The following SPTBN2 variants were observed in gnomAD, a reference collection of about 807,000 sequenced individuals.
SPTBN2 encodes spectrin beta chain, non-erythrocytic 2.
Under a neutral mutation model 284.2 loss-of-function variants are expected in SPTBN2, and 107 were observed. The ratio of observed to expected loss-of-function variants is 0.38; its 90% confidence interval spans 0.32 to 0.44. The LOEUF (loss-of-function observed/expected upper bound fraction) is 0.44, where lower values mean the gene tolerates loss of function less well. Ranked by LOEUF, SPTBN2 falls within the 20% of genes least tolerant of loss-of-function variation. The pLI is 1.00. For synonymous variants in SPTBN2, 1,289 were observed against 1,354.8 expected, an observed-to-expected ratio of 0.95 and a Z score of 1.07; for missense variants, 2,569 against 3,287.1, an observed-to-expected ratio of 0.78 and a Z score of 5.34.
At position 66,688,267 on chromosome 11, in the gene SPTBN2, C is replaced by T; in HGVS notation, c.6276G>A (p.Glu2092=). 6.2e-7 allele frequency: 1 copy of T among 1,612,194 alleles called. No individual in the cohort carries two copies. Among genetic ancestry groups the T allele is most frequent in the Non-Finnish European group, 8.5e-7 (1 of 1,179,328 alleles). Residue 2092 remains glutamate, a synonymous_variant, in exon 32 of 38, where the codon GAG becomes GAA. Transcript: ENST00000533211. ...EKERKRKREE[E]ERRKQPPAPE... is the part of the protein sequence containing the mutation. ...GAGCAGGCGGCTGTTTCCGCCGCTC[C>T]TCCTCCTCCCTCTTTCTCTTTCGCT...
At chr11:66,717,241 C>T (rs1210048641) in intron 3 of SPTBN2, among the ~76,000 whole-genome samples, 2 of 151,980 alleles carry the variant, frequency 1.3e-5, no homozygotes, top group East Asian at 1.9e-4. Context: ...TACTAGGTTC[C>T]GTAGGAAAAT....
In SPTBN2 at chr11:66,685,962, A is replaced by C. The variant is rs756019688; in HGVS notation, c.7082T>G (p.Val2361Gly). The C allele has an allele frequency of 1.9e-6, 3 of 1,613,708 alleles. No homozygotes were observed. Among genetic ancestry groups the C allele is most frequent in the Non-Finnish European group, 2.5e-6 (3 of 1,179,966 alleles). ...GAGCACAACAGGCCCCTCAGCCCCGACGGGTGACACTGGGGGCATGGTCAT... is the reference window on the plus strand; with the variant it reads ...GAGCACAACAGGCCCCTCAGCCCCGCCGGGTGACACTGGGGGCATGGTCAT... ...RAMTMPPVSP[V>G]GAEGPVVLRS... Residue 2361 changes from valine (V) to glycine (G), a missense_variant, in exon 38 of 38, where the codon GTC becomes GGC. This residue lies in a region of SPTBN2 where 1,130 missense variants were observed against 1,317.3 expected (regional missense o/e 0.86). Coordinates refer to ENST00000533211, the MANE Select transcript of SPTBN2 (RefSeq NM_006946.4). The surrounding 1 kb of genome is among the most constrained non-coding windows in gnomAD (Gnocchi z 4.4).
At chr11:66,692,786 T>G (rs1166114793) in intron 25 of SPTBN2, 46 bp from the exon 26 acceptor site, 22 of 1,599,048 alleles carry the variant, frequency 1.4e-5, no homozygotes, top group Non-Finnish European at 1.9e-5. Context: ...GGGGTGTAGC[T>G]CTGACCTCCG....
chr11:66,735,393 C>T (rs1942844786), intron 1 of SPTBN2, among the ~76,000 whole-genome samples: 1 of 151,188 alleles, frequency 6.6e-6, no homozygotes, highest in South Asian at 2.1e-4. Context: ...TCCTAAGAGA[C>T]TGAGAGACTG....
At chr11:66,727,870 C>T (rs1942678580) in intron 1 of SPTBN2, 1 of 150,578 alleles carries the variant, frequency 6.6e-6, no homozygotes. Context: ...GACCCGCTCC[C>T]AGCCTCGCCG....
intron 15 of SPTBN2, among the ~76,000 whole-genome samples, chr11:66,702,957 A>C (rs1040813415): frequency 3.3e-5 from 5 of 151,406 alleles, no homozygotes; most frequent in Non-Finnish European, 7.4e-5. Flanking sequence ...AAAAAAAAAA[A>C]AAACCAAAAA....
Position 66,692,954 on chromosome 11 carries a change from C to T in SPTBN2, c.4985+16G>A. ...GGCTCCACCCCCAGGCTGGGCCGGG[C>T]TGCCGCTGCACCCACCTCTCTGGGT... On this transcript the variant is annotated intron_variant, in intron 25 of 37. Transcript: ENST00000533211. The T allele has an allele frequency of 6.2e-7, 1 of 1,601,460 alleles. No individual in the cohort carries two copies. Among genetic ancestry groups the T allele is most frequent in the Non-Finnish European group, 8.5e-7 (1 of 1,179,884 alleles).
chr11:66,687,191 G>A lies in SPTBN2; in HGVS notation c.6723-24C>T, dbSNP rs373939448. The A allele has an allele frequency of 1.9e-6, 3 of 1,612,770 alleles. No homozygotes were observed. Among genetic ancestry groups the A allele is most frequent in the Non-Finnish European group, 2.5e-6 (3 of 1,179,906 alleles). Reference sequence around the variant, plus strand: ...ACCTGCGAGGGACGCGGTGCTGACTGGCCGGCCTCAGTGGCGCCCGCAACC... The same window carrying A: ...ACCTGCGAGGGACGCGGTGCTGACTAGCCGGCCTCAGTGGCGCCCGCAACC... On this transcript the variant is annotated intron_variant, in intron 35 of 37. Transcript: ENST00000533211. The surrounding 1 kb of genome is among the most constrained non-coding windows in gnomAD (Gnocchi z 5.2).
At position 66,687,740 on chromosome 11, in the gene SPTBN2, G is replaced by GC; in HGVS notation, c.6502-94dup. ...TCCGTGTCCAGGAGTTGGTCTTCCT[G>GC]CCCCCAAGCTGCCTGTGAGCCTCTG... On this transcript the variant is annotated intron_variant, in intron 34 of 37. Coordinates refer to ENST00000533211, the MANE Select transcript of SPTBN2 (RefSeq NM_006946.4). The surrounding 1 kb of genome is among the most constrained non-coding windows in gnomAD (Gnocchi z 5.2). The GC allele has an allele frequency of 6.3e-7, 1 of 1,581,572 alleles. No homozygotes were observed. The highest frequency in any genetic ancestry group is 8.7e-7 in the Non-Finnish European group (1 of 1,154,464).
At position 66,694,241 on chromosome 11, in the gene SPTBN2, C is replaced by T. The variant is rs1940768787; in HGVS notation, c.4401G>A (p.Glu1467=). ...GCTGGCACAAGGCCCTGAACTTCTC[C>T]TCCACGGCCCTCGAGGTTCTCTCCA... ...GEVERTSRAV[E]EKFRALCQPM... The change falls in exon 22 of 38, where the codon GAG becomes GAA. Residue 1467 remains glutamate (E), a synonymous_variant. Coordinates refer to ENST00000533211, the MANE Select transcript of SPTBN2 (RefSeq NM_006946.4). The T allele has an allele frequency of 1.2e-6, 2 of 1,614,164 alleles. No homozygotes were observed. Among genetic ancestry groups the T allele is most frequent in the Non-Finnish European group, 1.7e-6 (2 of 1,180,030 alleles).
chr11:66,728,467 G>C (rs1942720363), intron 1 of SPTBN2: 1 of 150,278 alleles, frequency 6.7e-6, no homozygotes, highest in South Asian at 2.1e-4. Flanking sequence ...ATCTGGAGCC[G>C]GCGGCCCCGC....
intron 27 of SPTBN2, 141 bp from the exon 28 acceptor site, chr11:66,690,424 G>A (rs1940464410): frequency 8.1e-6 from 10 of 1,234,952 alleles, no homozygotes; most frequent in Non-Finnish European, 1.1e-5. Context: ...TGGGGGTGCT[G>A]GGAAAGATGA....
rs781200312 is a variant in SPTBN2, at chr11:66,699,522, G to A, written c.3660C>T (p.Thr1220=). Residue 1220 remains threonine, a synonymous_variant, in exon 18 of 38, where the codon ACC becomes ACT. Coordinates refer to ENST00000533211, the MANE Select transcript of SPTBN2 (RefSeq NM_006946.4). Reference sequence around the variant, plus strand: ...GGATCCGTTCCCCATTGGCGTCCATGGTGCTCATGAAGTCCTCCAGTTTTT... The same window carrying A: ...GGATCCGTTCCCCATTGGCGTCCATAGTGCTCATGAAGTCCTCCAGTTTTT... ...AIKKLEDFMS[T]MDANGERIHG... is the part of the protein sequence containing the mutation. 23 of 1,614,064 alleles carry A rather than the reference G, an allele frequency of 1.4e-5. No homozygotes were observed. The South Asian group carries it at 2.3e-4, about 16-fold the overall frequency.
chr11:66,688,634 G>C lies in SPTBN2; in HGVS notation c.6231+19C>G. On this transcript the variant is annotated intron_variant, in intron 31 of 37. Transcript: ENST00000533211. ...GGGGAGCAGGTTGGAGTGGGCATCC[G>C]GGGTCCTGTGTCCCTCACCGCAGTA... 1 of 1,613,390 alleles carries C rather than the reference G, an allele frequency of 6.2e-7. No homozygotes were observed. Among genetic ancestry groups the C allele is most frequent in the Non-Finnish European group, 8.5e-7 (1 of 1,179,900 alleles).
chr11:66,699,844 T>C (rs1238964362), intron 17 of SPTBN2, among the ~76,000 whole-genome samples: 1 of 152,232 alleles, frequency 6.6e-6, no homozygotes, highest in Non-Finnish European at 1.5e-5. Context: ...CTATCTCACT[T>C]CTAGCTCCTG....
chr11:66,700,419 T>G lies in SPTBN2; in HGVS notation c.3573+107A>C. 1 of 1,499,436 alleles carries G rather than the reference T, an allele frequency of 6.7e-7. No homozygotes were observed. The highest frequency in any genetic ancestry group is 1.2e-5 in the South Asian group (1 of 86,888). The allele number at this position is 1,499,436 out of a possible 1,614,324, so 92.9% of individuals were successfully genotyped here. On this transcript the variant is annotated intron_variant, in intron 17 of 37. Transcript: ENST00000533211. This position sits in a 1 kb window ranked among gnomAD's most constrained non-coding sequence, Gnocchi z 6.6. ...GAATTTCAGGTGTGAACCACTGCGC[T>G]GCCCCATTTTGCTAGCATGTCCTTC...
chr11:66,700,868 G>A lies in SPTBN2; in HGVS notation c.3231C>T (p.Phe1077=), dbSNP rs1365071722. The A allele has an allele frequency of 6.2e-7, 1 of 1,600,088 alleles. No individual in the cohort carries two copies. Among genetic ancestry groups the A allele is most frequent in the Non-Finnish European group, 8.5e-7 (1 of 1,179,834 alleles). ...LQDFLRSLDD[F]QAWLGRTQTA... ...TCTGAGTGCGGCCTAGCCAGGCCTGGAAGTCATCCAAGCTGCGCAAGAAGT... is the reference window on the plus strand; with the variant it reads ...TCTGAGTGCGGCCTAGCCAGGCCTGAAAGTCATCCAAGCTGCGCAAGAAGT... Residue 1077 remains phenylalanine, a synonymous_variant, in exon 17 of 38, where the codon TTC becomes TTT. Transcript: ENST00000533211. The surrounding 1 kb of genome is among the most constrained non-coding windows in gnomAD (Gnocchi z 6.6).
intron 13 of SPTBN2, among the ~76,000 whole-genome samples, chr11:66,706,708 C>T (rs1297269427): frequency 1.3e-5 from 2 of 151,520 alleles, no homozygotes; most frequent in African/African-American, 2.4e-5. Flanking sequence ...TGGCTCACTG[C>T]AACCTCCGCC....
chr11:66,694,733 G>C (rs1282506702), intron 21 of SPTBN2, among the ~76,000 whole-genome samples: 2 of 152,144 alleles, frequency 1.3e-5, no homozygotes. Flanking sequence ...TCAATTCATT[G>C]TCTCTCCATC....
Sources: allele counts gnomAD v4.1 joint callset (sites outside exome capture counted in the v4.1 genomes callset), GRCh38; gene constraint gnomAD v4.1.1; regional missense constraint gnomAD v4.1.1; non-coding constraint Gnocchi (gnomAD v3.1); transcripts MANE v1.5; gene names NCBI Gene and HGNC (gene_info 2026-07-23, HGNC 2026-07-21).